SPTLC3: variants seen among roughly 807,000 people sequenced by gnomAD.
The protein encoded by SPTLC3 is serine palmitoyltransferase long chain base subunit 3.
Under a neutral mutation model 59.3 loss-of-function variants are expected in SPTLC3, and 36 were observed. That is an observed-to-expected ratio of 0.61 (90% CI 0.47 to 0.80). SPTLC3 has a LOEUF of 0.80. Ranked by LOEUF, SPTLC3 falls within the 30% of genes least tolerant of loss-of-function variation. SPTLC3 has a pLI of 0.00. For missense variants in SPTLC3, 625 were observed against 685.1 expected (o/e 0.91, Z 0.98); for synonymous variants, 257 against 240.8 (o/e 1.07, Z -0.62).
intron 6 of SPTLC3, among the ~76,000 whole-genome samples, chr20:13,096,319 T>C (rs1161292360): frequency 6.6e-6 from 1 of 152,146 alleles, no homozygotes; most frequent in Non-Finnish European, 1.5e-5. Context: ...TTAAAAGTCT[T>C]GTACAAGAAT....
chr20:13,056,372 A>G (rs546383713), intron 2 of SPTLC3, among the ~76,000 whole-genome samples: 44 of 152,040 alleles, frequency 2.9e-4, no homozygotes, highest in Admixed American at 1.2e-3. Flanking sequence ...TCAGAGTGAC[A>G]GGTTCTAATT....
chr20:13,054,946 G>A (rs1312693932), intron 2 of SPTLC3, among the ~76,000 whole-genome samples: 7 of 152,088 alleles, frequency 4.6e-5, no homozygotes, highest in Non-Finnish European at 7.4e-5. Context: ...AATTCAAGAC[G>A]AAAAGCAAAG....
At position 13,117,360 on chromosome 20, in the gene SPTLC3, G is replaced by A. The variant is rs141089542; in HGVS notation, c.933-146G>A. ...CCAAGTGGCCTTACAAGATTGAAAG[G>A]GTTGTCTCAGCCAAATAAAACATGC... On this transcript the variant is annotated intron_variant, in intron 7 of 11. Coordinates refer to ENST00000399002, the MANE Select transcript of SPTLC3 (RefSeq NM_018327.4). The A allele has an allele frequency of 2.5e-4, 172 of 691,188 alleles. No individual in the cohort carries two copies. The African/African-American group carries it at 2.9e-3, about 11-fold the overall frequency. 42.8% of individuals were successfully genotyped at this position (691,188 alleles called of 1,614,324 possible).
intron 1 of SPTLC3, among the ~76,000 whole-genome samples, chr20:13,014,145 CAT>C (rs1219298064): frequency 6.6e-6 from 1 of 152,204 alleles, no homozygotes; most frequent in Non-Finnish European, 1.5e-5. Flanking sequence ...CAAAGCCAGT[CAT>C]AGTCCAGCTG....
chr20:13,074,752 G>A (rs1358126418), intron 4 of SPTLC3, among the ~76,000 whole-genome samples: 1 of 152,186 alleles, frequency 6.6e-6, no homozygotes, highest in Non-Finnish European at 1.5e-5. Context: ...TAGCAACACT[G>A]TGCCTCCTCT....
chr20:13,143,824 T>TTTGCCAATTACTTTGTCTTC lies in SPTLC3; in HGVS notation c.1280-10170_1280-10169insACTTTGTCTTCTTGCCAATT, dbSNP rs1226500967. Among the ~76,000 whole-genome samples, 9 of 152,360 alleles carry TTTGCCAATTACTTTGTCTTC rather than the reference T, an allele frequency of 5.9e-5. No individual in the cohort carries two copies. In the East Asian group the frequency reaches 1.5e-3, roughly 26 times the overall value. On this transcript the variant is annotated intron_variant, in intron 9 of 11. Transcript: ENST00000399002. ...CAATTACTCAGCCTAGTATCTGTCTTTTGCCAATTCCTTTGTCTTCTTGCC... is the reference window on the plus strand; with the variant it reads ...CAATTACTCAGCCTAGTATCTGTCTTTTGCCAATTACTTTGTCTTCTTGCCAATTCCTTTGTCTTCTTGCC...
chr20:13,029,398 C>T (rs955087423), intron 1 of SPTLC3, among the ~76,000 whole-genome samples: 14 of 152,254 alleles, frequency 9.2e-5, no homozygotes, highest in African/African-American at 3.4e-4. Context: ...TCACTTCTTT[C>T]GGCTCAGGAG....
rs148799627 is a variant in SPTLC3 at position 13,072,234 on chromosome 20, C to A, written c.304-22C>A. 722 of 1,599,610 alleles carry A rather than the reference C, an allele frequency of 4.5e-4. No homozygotes were observed. The African/African-American group carries it at 7.3e-3, about 16-fold the overall frequency. ...CCAGAAAGCAAAGAACCAGAGATAACCTTCTACCTCTGTTCTAACAGGATT... is the reference window on the plus strand; with the variant it reads ...CCAGAAAGCAAAGAACCAGAGATAAACTTCTACCTCTGTTCTAACAGGATT... On this transcript the variant is annotated intron_variant, in intron 2 of 11. Transcript: ENST00000399002.
At chr20:13,093,629 G>A (rs758190051) in intron 6 of SPTLC3, 52 bp downstream of exon 6, 4 of 1,538,028 alleles carry the variant, frequency 2.6e-6, no homozygotes, top group African/African-American at 1.4e-5. Flanking sequence ...CTAGAAGAAA[G>A]TAAAGATTAT....
At chr20:13,129,681 C>T (rs1355106601) in intron 9 of SPTLC3, among the ~76,000 whole-genome samples, 1 of 152,194 alleles carries the variant, frequency 6.6e-6, no homozygotes, top group Non-Finnish European at 1.5e-5. Flanking sequence ...GCAATCATGT[C>T]CTTCCCTCCT....
intron 1 of SPTLC3, among the ~76,000 whole-genome samples, chr20:13,036,700 AG>A (rs1271768619): frequency 6.6e-6 from 1 of 152,076 alleles, no homozygotes; most frequent in Non-Finnish European, 1.5e-5. Context: ...ACTACCAATC[AG>A]GTTAGGGCAT....
intron 1 of SPTLC3, among the ~76,000 whole-genome samples, chr20:13,027,641 GCACACACA>G (rs57913044): frequency 0.13 from 19,391 of 144,042 alleles, 1,452 homozygotes; most frequent in East Asian, 0.34. Context: ...ATTTCAGCAC[GCACACACA>G]CACACACACA....
At chr20:13,098,699 T>C (rs1225538366) in intron 6 of SPTLC3, among the ~76,000 whole-genome samples, 1 of 152,186 alleles carries the variant, frequency 6.6e-6, no homozygotes, top group African/African-American at 2.4e-5. Context: ...TAACATTTAT[T>C]GAGAAAGTCC....
At chr20:13,131,560 C>T (rs1327677738) in intron 9 of SPTLC3, among the ~76,000 whole-genome samples, 1 of 152,196 alleles carries the variant, frequency 6.6e-6, no homozygotes, top group Non-Finnish European at 1.5e-5. Context: ...GCTTTACCCA[C>T]CCTGGAGTTC....
At chr20:13,044,506 T>C (rs1987143783) in intron 1 of SPTLC3, among the ~76,000 whole-genome samples, 1 of 152,160 alleles carries the variant, frequency 6.6e-6, no homozygotes, top group African/African-American at 2.4e-5. Context: ...TCTGGACAAA[T>C]CCAGCAAGGA....
intron 9 of SPTLC3, among the ~76,000 whole-genome samples, chr20:13,130,866 T>C (rs1251507464): frequency 3.3e-5 from 5 of 152,196 alleles, no homozygotes; most frequent in Non-Finnish European, 7.4e-5. Context: ...CTCAGCTTAA[T>C]AAATATGTCA....
intron 8 of SPTLC3, among the ~76,000 whole-genome samples, chr20:13,118,448 GGA>G (rs1491356594): frequency 9.2e-6 from 1 of 108,720 alleles, no homozygotes; most frequent in African/African-American, 3.6e-5. Flanking sequence ...AGAGGTTTGT[GGA>G]AAAAAAAAAC....
At chr20:13,086,844 CA>C (rs1466670655) in intron 4 of SPTLC3, among the ~76,000 whole-genome samples, 1 of 151,960 alleles carries the variant, frequency 6.6e-6, no homozygotes, top group Non-Finnish European at 1.5e-5. Context: ...CCCAGGCTGG[CA>C]TGCAGTGGTG....
chr20:13,063,803 C>T (rs923422052), intron 2 of SPTLC3, among the ~76,000 whole-genome samples: 60 of 150,522 alleles, frequency 4.0e-4, no homozygotes, highest in Admixed American at 4.0e-4. Flanking sequence ...TACAGGCGCC[C>T]GCCACCACAC....
Sources: allele counts gnomAD v4.1 joint callset (sites outside exome capture counted in the v4.1 genomes callset), GRCh38; gene constraint gnomAD v4.1.1; transcripts MANE v1.5; gene names NCBI Gene and HGNC (gene_info 2026-07-23, HGNC 2026-07-21).